Variants in MREG observed in about 807,000 individuals in gnomAD.
The protein encoded by MREG is dilute suppressor protein homolog.
MREG carries 31 observed loss-of-function variants against 28.5 expected under a neutral mutation model. The ratio of observed to expected loss-of-function variants is 1.09; its 90% CI spans 0.82 to 1.47. The LOEUF (loss-of-function observed/expected upper bound fraction) is 1.47. Among genes scored for constraint, MREG ranks in the 40% most tolerant of loss-of-function variants. The pLI, the probability that MREG is intolerant of heterozygous loss-of-function variation, is 0.00. For synonymous variants in MREG, 106 were observed against 95.2 expected (o/e 1.11, Z -0.66); for missense variants, 256 against 257.4 (o/e 0.99, Z 0.04).
chr2:215,945,709 C>G lies in MREG; in HGVS notation c.372G>C (p.Leu124Phe), dbSNP rs779565613. ...TGGTGCTGAGTTTAGTCACTGACAA[C>G]AAAGAGTCAGCTTCCTTTTGAAAAC... ...DLGFQKEADS[L>F]LSVTKLSTIS... The change falls in exon 4 of 5, where the codon TTG becomes TTC. Residue 124 changes from leucine to phenylalanine, a missense_variant. Leu to Phe is a conservative substitution (Grantham distance 22). Transcript: ENST00000263268. 2 of 1,613,524 alleles carry G rather than the reference C, an allele frequency of 1.2e-6. No homozygotes were observed. The highest frequency in any genetic ancestry group is 1.7e-6 in the Non-Finnish European group (2 of 1,179,716).
chr2:215,988,708 G>A (rs1337177782), intron 2 of MREG, among the ~76,000 whole-genome samples: 1 of 152,206 alleles, frequency 6.6e-6, no homozygotes, highest in African/African-American at 2.4e-5. Flanking sequence ...TTGGTTGGGG[G>A]AGGGGCATCC....
intron 2 of MREG, among the ~76,000 whole-genome samples, chr2:215,965,370 G>A (rs1692911596): frequency 6.6e-6 from 1 of 152,214 alleles, no homozygotes; most frequent in African/African-American, 2.4e-5. Context: ...GGCAGACAGG[G>A]AGCATGGCGA....
At chr2:215,984,501 G>C (rs1574626878) in intron 2 of MREG, among the ~76,000 whole-genome samples, 1 of 58,416 alleles carries the variant, frequency 1.7e-5, no homozygotes, top group African/African-American at 7.7e-5. Flanking sequence ...CTGGGCAACA[G>C]AATAAGACCT....
intron 1 of MREG, among the ~76,000 whole-genome samples, chr2:216,024,315 T>C (rs966403025): frequency 6.6e-6 from 1 of 151,978 alleles, no homozygotes; most frequent in African/African-American, 2.4e-5. Flanking sequence ...GGCAGGCAGA[T>C]CACCTGAAGT....
chr2:215,952,716 T>C (rs1490243611), intron 2 of MREG, among the ~76,000 whole-genome samples: 2 of 152,016 alleles, frequency 1.3e-5, no homozygotes, highest in Admixed American at 6.6e-5. Context: ...AAATAAAATA[T>C]CAAAGAGAAC....
intron 1 of MREG, among the ~76,000 whole-genome samples, chr2:215,999,174 T>C (rs908493812): frequency 2.0e-5 from 3 of 152,040 alleles, no homozygotes; most frequent in Admixed American, 1.3e-4. Flanking sequence ...GCAAGGAAAA[T>C]GGAGAGACAT....
intron 1 of MREG, among the ~76,000 whole-genome samples, chr2:216,004,524 A>G (rs1331390529): frequency 6.6e-6 from 1 of 151,086 alleles, no homozygotes; most frequent in Non-Finnish European, 1.5e-5. Context: ...AGCCTAAACG[A>G]CAGAGTTAGA....
At chr2:215,955,062 T>TC (rs576263029) in intron 2 of MREG, among the ~76,000 whole-genome samples, 88 of 152,312 alleles carry the variant, frequency 5.8e-4, no homozygotes, top group Middle Eastern at 6.8e-3. Context: ...AAAGGCTCTG[T>TC]CCCCCAGTCA....
intron 2 of MREG, among the ~76,000 whole-genome samples, chr2:215,982,831 G>C (rs1383691106): frequency 1.3e-5 from 2 of 152,136 alleles, no homozygotes; most frequent in African/African-American, 4.8e-5. Context: ...CTAATCATCT[G>C]AGTCAAAATG....
intron 1 of MREG, among the ~76,000 whole-genome samples, chr2:216,002,963 T>TTC (rs569476312): frequency 6.6e-6 from 1 of 151,516 alleles, no homozygotes; most frequent in South Asian, 2.1e-4. Flanking sequence ...CTCTCTTTCC[T>TTC]TCTCTCTCTC....
At chr2:215,939,910 A>ATGT (rs142841665), downstream of MREG, among the ~76,000 whole-genome samples, 52,283 of 151,860 alleles carry the variant, frequency 0.34, 9,020 homozygotes, top group Admixed American at 0.36. Flanking sequence ...AAAACTACAG[A>ATGT]TGTTTTTTTA....
At chr2:216,004,552 C>CAA (rs1458212813) in intron 1 of MREG, among the ~76,000 whole-genome samples, 2 of 100,166 alleles carry the variant, frequency 2.0e-5, no homozygotes, top group East Asian at 3.4e-4. Context: ...TCAAAAAAAA[C>CAA]AAAAAAACAA....
At chr2:215,992,830 T>C (rs190618397) in intron 2 of MREG, among the ~76,000 whole-genome samples, 161 of 152,154 alleles carry the variant, frequency 1.1e-3, no homozygotes, top group African/African-American at 3.7e-3. Context: ...ACAAAGAGAA[T>C]TAAATACCTA....
chr2:216,003,322 G>A (rs1043412016), intron 1 of MREG, among the ~76,000 whole-genome samples: 4 of 152,004 alleles, frequency 2.6e-5, no homozygotes, highest in South Asian at 2.1e-4. Flanking sequence ...CTATTCTCAC[G>A]CTGAGGCAGA....
At chr2:216,031,457 GAGAAAGAA>G (rs1274456248) in intron 1 of MREG, among the ~76,000 whole-genome samples, 1 of 117,774 alleles carries the variant, frequency 8.5e-6, no homozygotes, top group South Asian at 2.5e-4. Context: ...GAAAGAAAGA[GAGAAAGAA>G]AGAAAGAAAG....
chr2:216,013,926 T>A (rs1694385765), upstream of MREG, among the ~76,000 whole-genome samples: 3 of 152,178 alleles, frequency 2.0e-5, no homozygotes, highest in African/African-American at 7.2e-5. Flanking sequence ...GGGTTTTTTT[T>A]TAAATAATAT....
At chr2:215,972,107 G>A (rs192397886) in intron 2 of MREG, among the ~76,000 whole-genome samples, 4 of 152,186 alleles carry the variant, frequency 2.6e-5, no homozygotes, top group South Asian at 2.1e-4. Context: ...GTCCAGTGCC[G>A]TGTCCTCTAC....
chr2:215,977,471 C>T (rs752961000), intron 2 of MREG, among the ~76,000 whole-genome samples: 1 of 152,090 alleles, frequency 6.6e-6, no homozygotes, highest in Non-Finnish European at 1.5e-5. Context: ...GACAGATCAA[C>T]GAGACAGAAA....
intron 1 of MREG, among the ~76,000 whole-genome samples, chr2:216,003,726 T>C (rs1694080267): frequency 6.6e-6 from 1 of 152,092 alleles, no homozygotes; most frequent in African/African-American, 2.4e-5. Context: ...ATCCTTCCCA[T>C]TGCTCAGGCC....
Sources: allele counts gnomAD v4.1 joint callset (sites outside exome capture counted in the v4.1 genomes callset), GRCh38; gene constraint gnomAD v4.1.1; transcripts MANE v1.5; gene names NCBI Gene and HGNC (gene_info 2026-07-23, HGNC 2026-07-21).